SLC5A1: variants seen among roughly 807,000 people sequenced by gnomAD.
SLC5A1 encodes the protein solute carrier family 5 member 1.
In SLC5A1, 42 loss-of-function variants were observed where a neutral mutation model predicts 73.5. That is an observed-to-expected ratio of 0.57 (90% CI 0.45 to 0.74). The LOEUF (loss-of-function observed/expected upper bound fraction) is 0.74, where lower values mean the gene tolerates loss of function less well. Ranked by LOEUF, SLC5A1 falls within the 30% of genes least tolerant of loss-of-function variation. The pLI, the probability that SLC5A1 is intolerant of heterozygous loss-of-function variation, is 0.00. For missense variants in SLC5A1, 634 were observed against 855.4 expected, an observed-to-expected ratio of 0.74 and a Z score of 3.23; for synonymous variants, 300 against 317.4, an observed-to-expected ratio of 0.95 and a Z score of 0.58.
At chr22:32,047,683 T>C (rs2093938941) in intron 1 of SLC5A1, among the ~76,000 whole-genome samples, 1 of 152,330 alleles carries the variant, frequency 6.6e-6, no homozygotes, top group Middle Eastern at 3.4e-3. Flanking sequence ...CCCTGCTTCC[T>C]AAAGGACTAA....
chr22:32,079,543 G>A (rs554367675), intron 5 of SLC5A1, among the ~76,000 whole-genome samples: 9 of 152,264 alleles, frequency 5.9e-5, no homozygotes, highest in Admixed American at 1.3e-4. Flanking sequence ...ATATTAATGA[G>A]GGTATCACAG....
At chr22:32,061,014 C>T (rs928644419) in intron 2 of SLC5A1, among the ~76,000 whole-genome samples, 2 of 152,040 alleles carry the variant, frequency 1.3e-5, no homozygotes, top group Admixed American at 6.6e-5. Context: ...AAGAATCACC[C>T]GAAGAGCTTA....
chr22:32,065,485 A>G (rs2093971232), intron 2 of SLC5A1, among the ~76,000 whole-genome samples: 2 of 152,132 alleles, frequency 1.3e-5, no homozygotes, highest in Admixed American at 1.3e-4. Flanking sequence ...AGACTCTTCA[A>G]TCTAATCACT....
At chr22:32,089,543 GT>G (rs2094013617) in intron 10 of SLC5A1, among the ~76,000 whole-genome samples, 1 of 152,174 alleles carries the variant, frequency 6.6e-6, no homozygotes, top group Admixed American at 6.6e-5. Flanking sequence ...AGAAGAGAGA[GT>G]TCAAGGGAAC....
intron 1 of SLC5A1, among the ~76,000 whole-genome samples, chr22:32,047,120 A>T (rs1329766663): frequency 6.6e-6 from 1 of 152,118 alleles, no homozygotes; most frequent in Non-Finnish European, 1.5e-5. Context: ...GGCTGTAGGG[A>T]AGGAGGAGGT....
Position 32,111,049 on chromosome 22 carries a change from T to C in SLC5A1, c.*836T>C, listed in dbSNP as rs1266829707. ...TCTTTGCTTGCTTTTTACATGAGCC[T>C]GGCCCTTAGTTAACCTTTTCTTGTG... On this transcript the variant is annotated 3_prime_UTR_variant, in exon 15 of 15. Coordinates refer to ENST00000266088, the MANE Select transcript of SLC5A1 (RefSeq NM_000343.4). The C allele has an allele frequency of 2.0e-5, 3 of 152,300 alleles. No homozygotes were observed. Among genetic ancestry groups the C allele is most frequent in the Admixed American group, 2.0e-4 (3 of 15,284 alleles). The allele number at this position is 152,300 out of a possible 1,614,324, so 9.4% of individuals were successfully genotyped here.
At chr22:32,100,395 C>T (rs1486618732) in intron 12 of SLC5A1, among the ~76,000 whole-genome samples, 2 of 152,128 alleles carry the variant, frequency 1.3e-5, no homozygotes, top group African/African-American at 4.8e-5. Flanking sequence ...GAAAGGGTAT[C>T]CTTTTCTTTT....
In SLC5A1 at chr22:32,084,579, C is replaced by T. The variant is rs772271490; in HGVS notation, c.805C>T (p.Pro269Ser). The T allele has an allele frequency of 1.2e-6, 2 of 1,614,254 alleles. No individual in the cohort carries two copies. Among genetic ancestry groups the T allele is most frequent in the Non-Finnish European group, 1.7e-6 (2 of 1,180,046 alleles). The change falls in exon 8 of 15, where the codon CCC (proline) becomes TCC (serine). Residue 269 changes from proline (P) to serine (S), a missense_variant. By Grantham distance (74) the Pro-to-Ser change is moderately conservative. This residue lies in a region of SLC5A1 where 422 missense variants were observed against 626.1 expected (regional missense o/e 0.67). Transcript: ENST00000266088. The stretch of plus-strand genomic sequence containing the variant: ...CGACTCCTTCCACATCTTCCGAGAT[C>T]CCCTCACGGGAGACCTCCCATGGCC... Reference protein sequence around the residue: ...RADSFHIFRDPLTGDLPWPGF... With the variant: ...RADSFHIFRDSLTGDLPWPGF...
intron 3 of SLC5A1, 55 bp from the exon 4 acceptor site, chr22:32,067,912 C>G: frequency 1.3e-6 from 2 of 1,569,396 alleles, no homozygotes; most frequent in Non-Finnish European, 1.8e-6. Context: ...CTTCAGGTGG[C>G]AGGGATGGGC....
intron 2 of SLC5A1, among the ~76,000 whole-genome samples, chr22:32,051,949 T>C (rs1301204830): frequency 6.6e-6 from 1 of 152,200 alleles, no homozygotes; most frequent in Non-Finnish European, 1.5e-5. Context: ...ACACAGACAG[T>C]CTCAGAACAG....
intron 5 of SLC5A1, among the ~76,000 whole-genome samples, chr22:32,076,215 A>G (rs1316461588): frequency 6.6e-6 from 1 of 152,230 alleles, no homozygotes; most frequent in African/African-American, 2.4e-5. Context: ...GGCCCAGGCC[A>G]TTGGCAGCTG....
chr22:32,098,923 A>C (rs1170311335), intron 11 of SLC5A1, among the ~76,000 whole-genome samples: 1 of 151,232 alleles, frequency 6.6e-6, no homozygotes, highest in Non-Finnish European at 1.5e-5. Flanking sequence ...TCTCTACTAA[A>C]AAAATACAAA....
chr22:32,074,308 G>C (rs2093987361), intron 5 of SLC5A1, among the ~76,000 whole-genome samples: 1 of 152,156 alleles, frequency 6.6e-6, no homozygotes, highest in South Asian at 2.1e-4. Context: ...TCAAGTTACT[G>C]ATTAAACCTT....
chr22:32,089,473 G>C (rs1245771302), intron 10 of SLC5A1, among the ~76,000 whole-genome samples: 1 of 152,136 alleles, frequency 6.6e-6, no homozygotes, highest in Non-Finnish European at 1.5e-5. Flanking sequence ...AAGTTTAATA[G>C]AGGTATAAGT....
chr22:32,099,105 A>ATATATATATATATATATAT (rs1448860989), intron 11 of SLC5A1, 78 bp from the exon 12 acceptor site: 2 of 56,530 alleles, frequency 3.5e-5, no homozygotes, highest in Non-Finnish European at 6.6e-5. Flanking sequence ...AAAAAAAAAA[A>ATATATATATATATATATAT]ATATATATAT....
intron 1 of SLC5A1, among the ~76,000 whole-genome samples, chr22:32,048,148 T>C (rs1389228690): frequency 1.5e-5 from 2 of 130,072 alleles, no homozygotes; most frequent in Non-Finnish European, 3.2e-5. Context: ...TGAGACTCCA[T>C]GTAAAAAAAA....
chr22:32,086,065 C>T (rs906959441), intron 9 of SLC5A1, among the ~76,000 whole-genome samples, 155 bp from the exon 10 acceptor site: 4 of 151,292 alleles, frequency 2.6e-5, no homozygotes, highest in Non-Finnish European at 4.4e-5. Flanking sequence ...GGCGTGAACC[C>T]GGGAGGCAGA....
intron 1 of SLC5A1, among the ~76,000 whole-genome samples, chr22:32,044,458 G>A (rs1237081220): frequency 6.6e-6 from 1 of 152,168 alleles, no homozygotes; most frequent in South Asian, 2.1e-4. Context: ...TAGAGGAGAG[G>A]AAGGTAGGCA....
At chr22:32,088,563 T>G (rs1301040478) in intron 10 of SLC5A1, among the ~76,000 whole-genome samples, 1 of 152,110 alleles carries the variant, frequency 6.6e-6, no homozygotes, top group Non-Finnish European at 1.5e-5. Flanking sequence ...GGTCTCAAAC[T>G]CCTGACCTCA....
Sources: allele counts gnomAD v4.1 joint callset (sites outside exome capture counted in the v4.1 genomes callset), GRCh38; gene constraint gnomAD v4.1.1; regional missense constraint gnomAD v4.1.1; transcripts MANE v1.5; gene names NCBI Gene and HGNC (gene_info 2026-07-23, HGNC 2026-07-21).